ATAD3A: variants seen among roughly 807,000 people sequenced by gnomAD.
ATAD3A encodes the protein ATPase family AAA domain containing 3A, also known as ATPase family AAA domain-containing protein 3A.
In ATAD3A, 46 loss-of-function variants were observed where a neutral mutation model predicts 73.8. The ratio of observed to expected loss-of-function variants is 0.62; its 90% CI spans 0.49 to 0.80. ATAD3A has a LOEUF of 0.80. ATAD3A is among the 30% of genes least tolerant of loss of function. ATAD3A has a pLI of 0.00. For missense variants in ATAD3A, 705 were observed against 838.0 expected (o/e 0.84, Z 1.96); for synonymous variants, 319 against 350.0 (o/e 0.91, Z 0.99).
chr1:1,515,633 G>A (rs1326594348), intron 1 of ATAD3A, among the ~76,000 whole-genome samples: 2 of 152,162 alleles, frequency 1.3e-5, no homozygotes, highest in Non-Finnish European at 2.9e-5. Flanking sequence ...GTGCTTGATA[G>A]CAGATCAATG....
rs1349811279 is a variant in ATAD3A, at chr1:1,517,339, A to G, written c.311A>G (p.Lys104Arg). ...KEYEAAVEQL[K>R]SEQIRAQAEE... ...TATGAGGCCGCCGTGGAGCAGCTCAAGAGCGAGCAGATCCGGGCGCAGGCT... is the reference window on the plus strand; with the variant it reads ...TATGAGGCCGCCGTGGAGCAGCTCAGGAGCGAGCAGATCCGGGCGCAGGCT... Residue 104 changes from lysine (K) to arginine (R), a missense_variant, in exon 3 of 16, where the codon AAG (lysine) becomes AGG (arginine). This residue lies in a region of ATAD3A where 125 missense variants were observed against 170.6 expected (regional missense o/e 0.73). Coordinates refer to ENST00000378756, the MANE Select transcript of ATAD3A (RefSeq NM_001170535.3). 6.5e-7 allele frequency: 1 copy of G among 1,543,746 alleles called. No individual in the cohort carries two copies. Among genetic ancestry groups the G allele is most frequent in the African/African-American group, 1.4e-5 (1 of 70,542 alleles).
chr1:1,527,226 G>A (rs551021785), intron 13 of ATAD3A: 69 of 1,300,496 alleles, frequency 5.3e-5, no homozygotes, highest in Middle Eastern at 2.7e-4. Context: ...CCTCAGGCAC[G>A]TTGGGCTCCC....
chr1:1,518,821 C>T (rs1641481431), intron 4 of ATAD3A, 100 bp from the exon 5 acceptor site: 2 of 1,603,692 alleles, frequency 1.2e-6, no homozygotes, highest in Non-Finnish European at 8.5e-7. Flanking sequence ...CAAACGGGCA[C>T]ACTCACCCCC....
chr1:1,513,156 G>A (rs142533901), intron 1 of ATAD3A, among the ~76,000 whole-genome samples: 1 of 152,194 alleles, frequency 6.6e-6, no homozygotes, highest in South Asian at 2.1e-4. Context: ...GGCCTTCCTC[G>A]GTAATTTTAA....
At position 1,518,351 on chromosome 1, in the gene ATAD3A, GCACACACACAGCCC is replaced by G. The variant is rs1489860321; in HGVS notation, c.445-558_445-545del. Among the ~76,000 whole-genome samples the G allele has an allele frequency of 7.1e-5, 9 of 125,984 alleles. No homozygotes were observed. In the South Asian group the frequency reaches 1.2e-3, roughly 17 times the overall value. 82.7% of individuals were successfully genotyped at this position (125,984 alleles called of 152,430 possible). A position where few individuals can be genotyped will look rare whatever the true frequency, so the allele number is the denominator to read the frequency against. ...GGCTCACTGGCACCCGCGCACTCGG[GCACACACACAGCCC>G]CACACACACAGGCGCACACCCACAC... On this transcript the variant is annotated intron_variant, in intron 4 of 15. Transcript: ENST00000378756.
chr1:1,532,596 C>T (rs1642066580), intron 15 of ATAD3A, among the ~76,000 whole-genome samples: 1 of 152,186 alleles, frequency 6.6e-6, no homozygotes, highest in South Asian at 2.1e-4. Flanking sequence ...GCTGTCACTT[C>T]TGGTGGGCTC....
chr1:1,519,230 C>T (rs1272762869), intron 5 of ATAD3A, among the ~76,000 whole-genome samples: 223 of 132,342 alleles, frequency 1.7e-3, no homozygotes, highest in African/African-American at 5.9e-3. Flanking sequence ...GTACAGGGGC[C>T]TTTTTTTTTT....
At chr1:1,521,428 TCA>T (rs772711616) in intron 7 of ATAD3A, among the ~76,000 whole-genome samples, 7 of 149,420 alleles carry the variant, frequency 4.7e-5, no homozygotes, top group Admixed American at 6.7e-5. Flanking sequence ...GTTTAAAGCC[TCA>T]CTCTTTTGTG....
At chr1:1,522,161 T>C (rs1641622849) in intron 7 of ATAD3A, among the ~76,000 whole-genome samples, 1 of 152,220 alleles carries the variant, frequency 6.6e-6, no homozygotes, top group Non-Finnish European at 1.5e-5. Flanking sequence ...TGCCTCAGCC[T>C]CCCAAGTAGA....
intron 7 of ATAD3A, among the ~76,000 whole-genome samples, chr1:1,521,310 A>G (rs1641589327): frequency 7.0e-6 from 1 of 141,848 alleles, no homozygotes; most frequent in South Asian, 2.1e-4. Context: ...AAAAAAAAAA[A>G]AAAAAAAAAA....
intron 4 of ATAD3A, 152 bp from the exon 5 acceptor site, chr1:1,518,769 C>T (rs1404317844): frequency 1.9e-5 from 29 of 1,502,430 alleles, no homozygotes; most frequent in African/African-American, 4.2e-5. Context: ...CCTGCACATT[C>T]GGGCACCGTC....
rs1420804089 is a variant in ATAD3A at position 1,523,981 on chromosome 1, G to A, written c.1089+17G>A. Reference sequence around the variant, plus strand: ...TTTGCCAAGGTGAGAGCGCCTGGCTGAACAGGTGGGCCAGGGGCCGCTGGG... The same window carrying A: ...TTTGCCAAGGTGAGAGCGCCTGGCTAAACAGGTGGGCCAGGGGCCGCTGGG... On this transcript the variant is annotated intron_variant, in intron 10 of 15. Transcript: ENST00000378756. The surrounding 1 kb of genome is among the most constrained non-coding windows in gnomAD (Gnocchi z 5.1). 1 of 1,613,632 alleles carries A rather than the reference G, an allele frequency of 6.2e-7. No homozygotes were observed. The highest frequency in any genetic ancestry group is 1.1e-5 in the South Asian group (1 of 91,084).
At chr1:1,525,400 G>C in intron 12 of ATAD3A, 109 bp downstream of exon 12, 1 of 1,238,744 alleles carries the variant, frequency 8.1e-7, no homozygotes, top group Non-Finnish European at 1.1e-6. Context: ...TGTAAGCTTT[G>C]TGTGAAAAAC....
chr1:1,534,447 G>C lies in ATAD3A; in HGVS notation c.*375G>C. Reference sequence around the variant, plus strand: ...CAGGCAGGTGATGTCTTTGTTCTCGGCTCCCACAGCAGAGCCAGGTGAGGG... The same window carrying C: ...CAGGCAGGTGATGTCTTTGTTCTCGCCTCCCACAGCAGAGCCAGGTGAGGG... On this transcript the variant is annotated 3_prime_UTR_variant, in exon 16 of 16. Coordinates refer to ENST00000378756, the MANE Select transcript of ATAD3A (RefSeq NM_001170535.3). 1 of 1,220,478 alleles carries C rather than the reference G, an allele frequency of 8.2e-7. No individual in the cohort carries two copies. The highest frequency in any genetic ancestry group is 1.0e-6 in the Non-Finnish European group (1 of 956,474). The allele number at this position is 1,220,478 out of a possible 1,614,324, so 75.6% of individuals were successfully genotyped here.
rs573243543 is a variant in ATAD3A at position 1,524,092 on chromosome 1, C to G, written c.1089+128C>G. 34 of 1,573,670 alleles carry G rather than the reference C, an allele frequency of 2.2e-5. No homozygotes were observed. In the South Asian group the frequency reaches 3.9e-4, roughly 18 times the overall value. The stretch of plus-strand genomic sequence containing the variant: ...GCCTTTGCCCACCCTCGTGTAGGCT[C>G]AGGGTGCTGGTGTGGGCAGCAGCGC... On this transcript the variant is annotated intron_variant, in intron 10 of 15. Transcript: ENST00000378756.
At chr1:1,522,648 C>T (rs865988316) in intron 7 of ATAD3A, 96 bp from the exon 8 acceptor site, 27 of 1,569,058 alleles carry the variant, frequency 1.7e-5, no homozygotes, top group South Asian at 9.5e-5. Context: ...GCTTCTCCCT[C>T]GGGCGGAGAG....
chr1:1,516,363 A>T (rs547501304), intron 2 of ATAD3A, among the ~76,000 whole-genome samples: 1 of 152,256 alleles, frequency 6.6e-6, no homozygotes, highest in East Asian at 1.9e-4. Context: ...GGTCGTCCGG[A>T]TGGCCTGGAT....
chr1:1,533,151 C>T (rs377633265), intron 15 of ATAD3A, among the ~76,000 whole-genome samples: 105 of 152,274 alleles, frequency 6.9e-4, no homozygotes, highest in African/African-American at 2.2e-3. Context: ...ACAGCTGGGA[C>T]GGGGCGAGGG....
intron 11 of ATAD3A, among the ~76,000 whole-genome samples, 158 bp from the exon 12 acceptor site, chr1:1,525,082 A>T (rs1475673866): frequency 1.3e-5 from 2 of 151,980 alleles, no homozygotes; most frequent in Non-Finnish European, 2.9e-5. Context: ...GGCCAGGCTG[A>T]TCGGCTTCTG....
Sources: allele counts gnomAD v4.1 joint callset (sites outside exome capture counted in the v4.1 genomes callset), GRCh38; gene constraint gnomAD v4.1.1; regional missense constraint gnomAD v4.1.1; non-coding constraint Gnocchi (gnomAD v3.1); transcripts MANE v1.5; gene names NCBI Gene and HGNC (gene_info 2026-07-23, HGNC 2026-07-21).